Variants in AUTS2 observed in about 807,000 individuals in gnomAD.
The protein encoded by AUTS2 is autism susceptibility gene 2 protein.
In AUTS2, 17 loss-of-function variants were observed where a neutral mutation model predicts 112.4. The ratio of observed to expected loss-of-function variants is 0.15; its 90% CI spans 0.10 to 0.23. AUTS2 has a LOEUF of 0.23. AUTS2 is among the 10% of genes least tolerant of loss of function. AUTS2 has a pLI of 1.00. For missense variants in AUTS2, 1,510 were observed against 1,701.6 expected (o/e 0.89, Z 1.98); for synonymous variants, 751 against 702.7 (o/e 1.07, Z -1.09).
intron 5 of AUTS2, among the ~76,000 whole-genome samples, chr7:70,517,396 G>A (rs183641939): frequency 3.0e-4 from 45 of 152,176 alleles, no homozygotes; most frequent in African/African-American, 1.1e-3. Context: ...GCAAATCCCA[G>A]CCATCATTTG....
At chr7:70,764,520 C>T (rs1047437794) in intron 7 of AUTS2, among the ~76,000 whole-genome samples, 1 of 151,984 alleles carries the variant, frequency 6.6e-6, no homozygotes, top group Admixed American at 6.6e-5. Flanking sequence ...CACCAAGATG[C>T]CCCACAGCCC....
At chr7:70,789,700 C>A in intron 18 of AUTS2, 48 bp from the exon 19 acceptor site, 1 of 1,573,928 alleles carries the variant, frequency 6.4e-7, no homozygotes, top group Non-Finnish European at 8.6e-7. Flanking sequence ...CCGGCCGACT[C>A]GCCCCTTTCA....
chr7:69,933,908 C>G (rs1002030553), intron 2 of AUTS2, among the ~76,000 whole-genome samples: 1 of 152,202 alleles, frequency 6.6e-6, no homozygotes, highest in Non-Finnish European at 1.5e-5. Flanking sequence ...AGTCACAAAA[C>G]TCTTTCCGTA....
chr7:70,682,127 G>A (rs929762228), intron 5 of AUTS2, among the ~76,000 whole-genome samples: 3 of 152,140 alleles, frequency 2.0e-5, no homozygotes, highest in Non-Finnish European at 2.9e-5. Flanking sequence ...CCCATGGCCC[G>A]CGCCACCTCA....
At chr7:69,947,481 T>C (rs1343945520) in intron 2 of AUTS2, among the ~76,000 whole-genome samples, 1 of 152,206 alleles carries the variant, frequency 6.6e-6, no homozygotes, top group East Asian at 1.9e-4. Context: ...TCTAAAAGCA[T>C]TGATTTTTAT....
intron 6 of AUTS2, among the ~76,000 whole-genome samples, chr7:70,709,374 C>T (rs975876307): frequency 4.6e-5 from 7 of 152,120 alleles, no homozygotes; most frequent in African/African-American, 1.7e-4. Context: ...GGGGTGGCCT[C>T]CAAGACTCCT....
intron 2 of AUTS2, among the ~76,000 whole-genome samples, chr7:69,930,455 C>T: frequency 6.6e-6 from 1 of 152,184 alleles, no homozygotes; most frequent in East Asian, 1.9e-4. Context: ...TGGAAACTCT[C>T]CAGACAATAA....
At chr7:69,889,707 A>T (rs1292077557) in intron 1 of AUTS2, among the ~76,000 whole-genome samples, 1 of 152,208 alleles carries the variant, frequency 6.6e-6, no homozygotes, top group Non-Finnish European at 1.5e-5. Flanking sequence ...TTAGAATTAC[A>T]CATCCTCTCA....
At chr7:69,880,210 C>T (rs531584802) in intron 1 of AUTS2, among the ~76,000 whole-genome samples, 6 of 152,262 alleles carry the variant, frequency 3.9e-5, no homozygotes, top group African/African-American at 9.6e-5. Context: ...ACAACTAGAT[C>T]TCGTGAGAGC....
At chr7:70,558,206 C>T (rs777493809) in intron 5 of AUTS2, among the ~76,000 whole-genome samples, 2 of 152,170 alleles carry the variant, frequency 1.3e-5, no homozygotes, top group Non-Finnish European at 2.9e-5. Context: ...AGCCCAGGCA[C>T]TTGGCTCTCT....
chr7:70,048,360 C>T (rs1287480093), intron 2 of AUTS2, among the ~76,000 whole-genome samples: 3 of 152,176 alleles, frequency 2.0e-5, no homozygotes, highest in South Asian at 4.1e-4. Flanking sequence ...TTCTTTAACA[C>T]CCAGTTCCTG....
Position 70,766,924 on chromosome 7 carries a change from A to G in AUTS2, c.1689+590A>G, listed in dbSNP as rs1789981221. 6.6e-6 allele frequency among the ~76,000 whole-genome samples: 1 copy of G among 152,244 alleles called. No individual in the cohort carries two copies. Among genetic ancestry groups the G allele is most frequent in the Admixed American group, 6.5e-5 (1 of 15,294 alleles). On this transcript the variant is annotated intron_variant, in intron 9 of 18. Coordinates refer to ENST00000342771, the MANE Select transcript of AUTS2 (RefSeq NM_015570.4). The surrounding 1 kb of genome is among the most constrained non-coding windows in gnomAD (Gnocchi z 4.8). Reference sequence around the variant, plus strand: ...AGTGTTCAGGGATCCCCGCAGGGACAGAACGCTCTGCCTTGGGGCAAGAGG... The same window carrying G: ...AGTGTTCAGGGATCCCCGCAGGGACGGAACGCTCTGCCTTGGGGCAAGAGG...
chr7:70,134,477 T>A (rs1156806053), intron 3 of AUTS2, 59 bp from the exon 4 acceptor site: 14 of 1,475,992 alleles, frequency 9.5e-6, no homozygotes, highest in Non-Finnish European at 1.3e-5. Context: ...GCTGTGTGGA[T>A]TGGAACGTGT....
intron 2 of AUTS2, among the ~76,000 whole-genome samples, chr7:69,957,902 T>C (rs1797280975): frequency 1.3e-5 from 2 of 152,152 alleles, no homozygotes; most frequent in Admixed American, 6.5e-5. Context: ...GGCAAATGGG[T>C]TGTGGGCTGG....
intron 2 of AUTS2, among the ~76,000 whole-genome samples, chr7:70,079,480 C>A (rs892517972): frequency 2.6e-5 from 4 of 151,934 alleles, no homozygotes; most frequent in African/African-American, 9.7e-5. Flanking sequence ...CCAGTCTGGG[C>A]AACAGACAGA....
intron 1 of AUTS2, among the ~76,000 whole-genome samples, chr7:69,716,240 G>A (rs1562832037): frequency 6.6e-6 from 1 of 151,878 alleles, no homozygotes; most frequent in African/African-American, 2.4e-5. Flanking sequence ...TTGTGTGTGT[G>A]TGTCTGTGTG....
intron 2 of AUTS2, among the ~76,000 whole-genome samples, chr7:70,089,710 A>T (rs1803808013): frequency 6.6e-6 from 1 of 152,092 alleles, no homozygotes. Flanking sequence ...TTTAAAAATC[A>T]GTTGAGTATT....
At position 70,781,623 on chromosome 7, in the gene AUTS2, G is replaced by A. The variant is rs1271470982; in HGVS notation, c.2013G>A (p.Met671Ile). ...TTCCCCTTGCTGTGTAGAAACAGAT[G>A]CAGTCAGACCCACATAAGCTGGACT... The part of the protein sequence containing the change: ...YHHQQKVKKQ[M>I]QSDPHKLDFG... Residue 671 changes from methionine to isoleucine, a missense_variant, in exon 15 of 19, where the codon ATG becomes ATA. Physicochemically the swap from Met to Ile is conservative, Grantham distance 10. Around this residue, in one of 3 missense-constraint regions of AUTS2, gnomAD observed 187 missense variants for 309.7 expected, o/e 0.60. Transcript: ENST00000342771. 5.0e-6 allele frequency: 8 copies of A among 1,614,148 alleles called. No homozygotes were observed. The African/African-American group carries it at 5.3e-5, about 11-fold the overall frequency.
At chr7:70,619,041 T>C (rs1804530203) in intron 5 of AUTS2, among the ~76,000 whole-genome samples, 1 of 152,178 alleles carries the variant, frequency 6.6e-6, no homozygotes, top group Non-Finnish European at 1.5e-5. Context: ...GGACACACCC[T>C]GTTTTCAAAG....
Sources: allele counts gnomAD v4.1 joint callset (sites outside exome capture counted in the v4.1 genomes callset), GRCh38; gene constraint gnomAD v4.1.1; regional missense constraint gnomAD v4.1.1; non-coding constraint Gnocchi (gnomAD v3.1); transcripts MANE v1.5; gene names NCBI Gene and HGNC (gene_info 2026-07-23, HGNC 2026-07-21).